The following MAGI1 variants were observed in gnomAD, a reference collection of about 807,000 sequenced individuals.
MAGI1 encodes membrane-associated guanylate kinase, WW and PDZ domain-containing protein 1.
Under a neutral mutation model 139.9 loss-of-function variants are expected in MAGI1, and 58 were observed. The observed-to-expected ratio is 0.41, with a 90% CI of 0.34 to 0.52. MAGI1 has a LOEUF of 0.52. MAGI1 is among the 20% of genes least tolerant of loss of function. The pLI is 0.12. For synonymous variants in MAGI1, 812 were observed against 737.9 expected, an observed-to-expected ratio of 1.10 and a Z score of -1.63; for missense variants, 1,874 against 1,901.6, an observed-to-expected ratio of 0.99 and a Z score of 0.27.
intron 3 of MAGI1, among the ~76,000 whole-genome samples, chr3:65,487,176 T>C (rs1055543065): frequency 3.3e-5 from 5 of 152,204 alleles, no homozygotes; most frequent in Admixed American, 1.3e-4. Flanking sequence ...CTCACTTCAA[T>C]TACTACTTCT....
intron 2 of MAGI1, among the ~76,000 whole-genome samples, chr3:65,606,486 G>A (rs7628287): frequency 0.23 from 35,066 of 151,160 alleles, 4,118 homozygotes; most frequent in Middle Eastern, 0.29. Flanking sequence ...GATTACAGGT[G>A]TATGCCACCA....
At chr3:65,972,680 G>A (rs1056828147) in intron 1 of MAGI1, among the ~76,000 whole-genome samples, 4 of 152,084 alleles carry the variant, frequency 2.6e-5, no homozygotes, top group African/African-American at 7.2e-5. Flanking sequence ...TAAGAATAAC[G>A]ATGAAGAACA....
At chr3:66,024,678 T>C (rs2068148694) in intron 1 of MAGI1, among the ~76,000 whole-genome samples, 1 of 152,050 alleles carries the variant, frequency 6.6e-6, no homozygotes, top group Non-Finnish European at 1.5e-5. Context: ...TGGTGGTGCA[T>C]GCCTGTAATC....
At chr3:65,541,850 A>C (rs1309942416) in intron 2 of MAGI1, among the ~76,000 whole-genome samples, 5 of 152,232 alleles carry the variant, frequency 3.3e-5, no homozygotes, top group African/African-American at 1.2e-4. Context: ...ATTCCCTTTG[A>C]AAATGGGAAC....
intron 2 of MAGI1, chr3:65,499,057 T>C: frequency 2.2e-6 from 2 of 929,334 alleles, no homozygotes; most frequent in Non-Finnish European, 2.5e-6. Flanking sequence ...AGAAAACCGC[T>C]CTTAAAAAAA....
intron 1 of MAGI1, among the ~76,000 whole-genome samples, chr3:65,792,395 G>A (rs146632930): frequency 1.3e-5 from 2 of 152,224 alleles, no homozygotes; most frequent in Non-Finnish European, 2.9e-5. Context: ...AACCAAGGAG[G>A]AGGAGGTTGC....
intron 1 of MAGI1, among the ~76,000 whole-genome samples, chr3:65,783,160 A>T (rs1577100246): frequency 3.1e-5 from 4 of 129,286 alleles, no homozygotes; most frequent in Admixed American, 2.4e-4. Flanking sequence ...AGAATGTATT[A>T]AAAAAAAACA....
At chr3:65,515,972 A>G (rs1051756718) in intron 2 of MAGI1, among the ~76,000 whole-genome samples, 1 of 152,224 alleles carries the variant, frequency 6.6e-6, no homozygotes, top group African/African-American at 2.4e-5. Flanking sequence ...TTACAGGGGC[A>G]CAGGGAATTG....
intron 1 of MAGI1, among the ~76,000 whole-genome samples, chr3:65,967,932 G>A (rs1197358484): frequency 6.6e-6 from 1 of 152,148 alleles, no homozygotes; most frequent in Non-Finnish European, 1.5e-5. Flanking sequence ...GCCCACACCT[G>A]GGGGTCAAGG....
intron 1 of MAGI1, among the ~76,000 whole-genome samples, chr3:65,735,241 A>G (rs962064557): frequency 1.3e-4 from 20 of 152,270 alleles, no homozygotes; most frequent in Non-Finnish European, 2.6e-4. Context: ...TTCACTTTAT[A>G]GATTGCTGTC....
intron 1 of MAGI1, among the ~76,000 whole-genome samples, chr3:65,760,972 C>T (rs2036977344): frequency 6.6e-6 from 1 of 152,084 alleles, no homozygotes; most frequent in African/African-American, 2.4e-5. Flanking sequence ...ATGCAATGAG[C>T]TTGTTTGCCA....
intron 1 of MAGI1, among the ~76,000 whole-genome samples, chr3:65,958,391 G>A (rs9880270): frequency 0.44 from 66,609 of 152,034 alleles, 15,302 homozygotes; most frequent in South Asian, 0.64. Context: ...CCTGCTTATT[G>A]TATCATCAAA....
intron 1 of MAGI1, among the ~76,000 whole-genome samples, chr3:65,847,710 T>C (rs533215171): frequency 6.6e-6 from 1 of 152,368 alleles, no homozygotes; most frequent in South Asian, 2.1e-4. Flanking sequence ...TATTTATTCT[T>C]TTATGCTAAG....
At chr3:65,768,956 C>T (rs975384249) in intron 1 of MAGI1, among the ~76,000 whole-genome samples, 1 of 152,012 alleles carries the variant, frequency 6.6e-6, no homozygotes, top group African/African-American at 2.4e-5. Flanking sequence ...AGGATTTTGA[C>T]AAAGCAAACC....
At chr3:65,839,831 T>G (rs2058745758) in intron 1 of MAGI1, among the ~76,000 whole-genome samples, 1 of 152,202 alleles carries the variant, frequency 6.6e-6, no homozygotes, top group Non-Finnish European at 1.5e-5. Context: ...TGAGAGACAT[T>G]ACTTGCAAAA....
intron 1 of MAGI1, among the ~76,000 whole-genome samples, chr3:65,860,737 G>A (rs894311406): frequency 1.3e-5 from 2 of 152,182 alleles, no homozygotes; most frequent in African/African-American, 4.8e-5. Context: ...GGTTCACGGT[G>A]AGGAATATTC....
intron 10 of MAGI1, 24 bp downstream of exon 10, chr3:65,437,131 C>T: frequency 6.6e-7 from 1 of 1,508,918 alleles, no homozygotes; most frequent in Non-Finnish European, 9.1e-7. Context: ...AACCATGACA[C>T]AATTAGAAAG....
chr3:65,359,522 C>A (rs1940573863), intron 22 of MAGI1: 1 of 1,021,568 alleles, frequency 9.8e-7, no homozygotes, highest in Non-Finnish European at 1.2e-6. Flanking sequence ...CTTCCCACCC[C>A]CACCAAAGAC....
intron 17 of MAGI1, among the ~76,000 whole-genome samples, chr3:65,377,664 T>C (rs1033347427): frequency 6.6e-6 from 1 of 152,224 alleles, no homozygotes; most frequent in Admixed American, 6.5e-5. Context: ...TTTATTTTTA[T>C]ATTAAGCAAG....
Sources: allele counts gnomAD v4.1 joint callset (sites outside exome capture counted in the v4.1 genomes callset), GRCh38; gene constraint gnomAD v4.1.1; transcripts MANE v1.5; gene names NCBI Gene and HGNC (gene_info 2026-07-23, HGNC 2026-07-21).